Variants in SLC39A11 observed in about 807,000 individuals in gnomAD.
SLC39A11 encodes solute carrier family 39 member 11.
SLC39A11 carries 33 observed loss-of-function variants against 36.1 expected under a neutral mutation model. The observed-to-expected ratio is 0.91, with a 90% CI of 0.69 to 1.22. The LOEUF is 1.22. Among genes scored for constraint, SLC39A11 ranks in the 50% most tolerant of loss-of-function variants. The pLI is 0.00. For missense variants in SLC39A11, 432 were observed against 430.3 expected (o/e 1.00, Z -0.03); for synonymous variants, 166 against 170.3 (o/e 0.97, Z 0.20).
At chr17:72,805,774 AG>A (rs1449735486) in intron 6 of SLC39A11, among the ~76,000 whole-genome samples, 3 of 144,832 alleles carry the variant, frequency 2.1e-5, no homozygotes, top group African/African-American at 7.8e-5. Flanking sequence ...TCTGAGATGG[AG>A]TCTTGCTCTG....
At chr17:72,785,472 G>C (rs1568088827) in intron 6 of SLC39A11, among the ~76,000 whole-genome samples, 1 of 152,220 alleles carries the variant, frequency 6.6e-6, no homozygotes, top group Non-Finnish European at 1.5e-5. Flanking sequence ...GAAGACATTA[G>C]TCCTGCAGTA....
intron 3 of SLC39A11, among the ~76,000 whole-genome samples, chr17:73,080,955 A>AAAATAAAT (rs137991770): frequency 0.019 from 2,742 of 146,984 alleles, 20 homozygotes; most frequent in African/African-American, 0.022. Context: ...AAAAAACAAT[A>AAAATAAAT]AAATAAATAA....
intron 6 of SLC39A11, among the ~76,000 whole-genome samples, chr17:72,743,195 G>A (rs181657254): frequency 1.3e-5 from 2 of 152,260 alleles, no homozygotes; most frequent in African/African-American, 4.8e-5. Context: ...GACCCAGCTG[G>A]GGGGGCTAGA....
chr17:72,694,854 G>A (rs368935849), intron 7 of SLC39A11, among the ~76,000 whole-genome samples: 56 of 152,330 alleles, frequency 3.7e-4, no homozygotes, highest in African/African-American at 1.1e-3. Context: ...AACTGGAGAT[G>A]CTGGTGGCCT....
rs554490152 is a variant in SLC39A11 at position 72,997,551 on chromosome 17, C to T, written c.306+34005G>A. On this transcript the variant is annotated intron_variant, in intron 4 of 9. Transcript: ENST00000255559. ...TACAGGCGTGAGCCACCACGCCCAG[C>T]CAGAGTAGCCCCCTCTTATCCATGG... Among the ~76,000 whole-genome samples the T allele has an allele frequency of 9.2e-5, 14 of 152,328 alleles. No homozygotes were observed. The East Asian group carries it at 2.7e-3, about 29-fold the overall frequency.
chr17:72,968,333 A>C (rs1021889192), intron 4 of SLC39A11, among the ~76,000 whole-genome samples: 1 of 152,242 alleles, frequency 6.6e-6, no homozygotes, highest in African/African-American at 2.4e-5. Context: ...ACCAACTCAC[A>C]GCAAAGTAGC....
chr17:72,719,248 A>G (rs763384267), intron 7 of SLC39A11, among the ~76,000 whole-genome samples: 7 of 152,084 alleles, frequency 4.6e-5, no homozygotes, highest in Non-Finnish European at 1.0e-4. Flanking sequence ...ATCTCAAAAA[A>G]AGCAATCCTG....
intron 7 of SLC39A11, among the ~76,000 whole-genome samples, chr17:72,693,219 C>A (rs1369171170): frequency 7.3e-6 from 1 of 137,162 alleles, no homozygotes; most frequent in East Asian, 2.7e-4. Flanking sequence ...CCTGGGCCCA[C>A]CCACCCTCCC....
chr17:72,934,783 C>T (rs895438153), intron 5 of SLC39A11, among the ~76,000 whole-genome samples: 2 of 152,116 alleles, frequency 1.3e-5, no homozygotes, highest in South Asian at 2.1e-4. Context: ...AAAAGATGCT[C>T]GACATCATTA....
intron 5 of SLC39A11, among the ~76,000 whole-genome samples, chr17:72,861,657 T>TTATAGATATATATATATATA (rs1555605274): frequency 2.0e-5 from 1 of 50,962 alleles, no homozygotes. Context: ...ATACAACACA[T>TTATAGATATATATATATATA]TATATATATA....
intron 6 of SLC39A11, among the ~76,000 whole-genome samples, chr17:72,797,917 T>C (rs925363363): frequency 2.6e-5 from 4 of 152,058 alleles, no homozygotes; most frequent in Admixed American, 6.5e-5. Context: ...AGCCTAGGAG[T>C]ACATTTCCTA....
At chr17:72,922,028 T>G (rs1434813713) in intron 5 of SLC39A11, among the ~76,000 whole-genome samples, 6 of 152,154 alleles carry the variant, frequency 3.9e-5, no homozygotes, top group Admixed American at 3.9e-4. Flanking sequence ...AAGCCAGAAT[T>G]CCAAGGTGAG....
intron 3 of SLC39A11, among the ~76,000 whole-genome samples, chr17:73,055,437 TC>T (rs2059633833): frequency 1.3e-5 from 2 of 151,672 alleles, no homozygotes; most frequent in South Asian, 2.1e-4. Flanking sequence ...CACTTTTTTT[TC>T]TTTTTTTTTT....
chr17:73,081,615 A>G (rs948916527), intron 3 of SLC39A11, among the ~76,000 whole-genome samples: 21 of 116,916 alleles, frequency 1.8e-4, no homozygotes, highest in Non-Finnish European at 2.5e-4. Flanking sequence ...AATGTGATAT[A>G]TATATATATA....
intron 5 of SLC39A11, among the ~76,000 whole-genome samples, chr17:72,918,889 C>T (rs2083478324): frequency 6.6e-6 from 1 of 151,902 alleles, no homozygotes; most frequent in Admixed American, 6.6e-5. Flanking sequence ...ATGGTGAAAC[C>T]CCATCTCTAC....
intron 3 of SLC39A11, among the ~76,000 whole-genome samples, chr17:73,050,323 CAAAAAAA>C (rs70938142): frequency 6.7e-4 from 66 of 98,818 alleles, no homozygotes; most frequent in African/African-American, 2.3e-3. Flanking sequence ...CTGTTTGTGG[CAAAAAAA>C]AAAAAAAAAA....
chr17:72,988,032 G>T lies in SLC39A11; in HGVS notation c.307-40157C>A, dbSNP rs564490962. Among the ~76,000 whole-genome samples the T allele has an allele frequency of 1.3e-5, 2 of 152,248 alleles. 1 individual carries two copies. Among genetic ancestry groups the T allele is most frequent in the Admixed American group, 1.3e-4 (2 of 15,304 alleles). On this transcript the variant is annotated intron_variant, in intron 4 of 9. Transcript: ENST00000255559. ...GAGTACATAGGTGTGTATATTTATG[G>T]GGTCCATGAGATGTTTTGACACAGC... is the stretch of plus-strand genomic sequence containing the variant.
chr17:72,697,077 T>G (rs1041499115), intron 7 of SLC39A11, among the ~76,000 whole-genome samples: 1 of 152,174 alleles, frequency 6.6e-6, no homozygotes, highest in Non-Finnish European at 1.5e-5. Context: ...TACTTTTACA[T>G]ATTTCTTATT....
At chr17:72,652,550 G>A (rs1345596319) in intron 7 of SLC39A11, among the ~76,000 whole-genome samples, 1 of 152,192 alleles carries the variant, frequency 6.6e-6, no homozygotes, top group Non-Finnish European at 1.5e-5. Context: ...CTGTCCTGGG[G>A]TGAGGGTGAG....
Sources: allele counts gnomAD v4.1 joint callset (sites outside exome capture counted in the v4.1 genomes callset), GRCh38; gene constraint gnomAD v4.1.1; transcripts MANE v1.5; gene names NCBI Gene and HGNC (gene_info 2026-07-23, HGNC 2026-07-21).